The following GAK variants were observed in gnomAD, a reference collection of about 807,000 sequenced individuals.
GAK encodes the protein cyclin-G-associated kinase.
GAK carries 79 observed loss-of-function variants against 143.9 expected under a neutral mutation model. That is an observed-to-expected ratio of 0.55 (90% CI 0.46 to 0.66). The LOEUF is 0.66. Among genes scored for constraint, GAK ranks in the 30% least tolerant of loss-of-function variants. GAK has a pLI of 0.00. For missense variants in GAK, 1,693 were observed against 1,779.7 expected, an observed-to-expected ratio of 0.95 and a Z score of 0.88; for synonymous variants, 881 against 765.5, an observed-to-expected ratio of 1.15 and a Z score of -2.49.
chr4:891,535 A>C (rs1717652644), intron 9 of GAK, among the ~76,000 whole-genome samples: 1 of 152,072 alleles, frequency 6.6e-6, no homozygotes, highest in Admixed American at 6.5e-5. Context: ...CGGTTGGCTT[A>C]AGCAGGGGTC....
intron 21 of GAK, 33 bp from the exon 22 acceptor site, chr4:866,567 G>C: frequency 1.2e-6 from 2 of 1,602,486 alleles, no homozygotes; most frequent in South Asian, 1.1e-5. Context: ...GGAGGACTCA[G>C]CCCGGCTGCC....
chr4:894,232 G>A (rs927544499), intron 7 of GAK: 4 of 503,744 alleles, frequency 7.9e-6, no homozygotes, highest in Middle Eastern at 5.4e-4. Flanking sequence ...GGGAACAACA[G>A]GGGTGACACC....
chr4:914,721 G>A (rs115725542), intron 1 of GAK, among the ~76,000 whole-genome samples: 2,482 of 28,990 alleles, frequency 0.086, 82 homozygotes, highest in East Asian at 0.27. Flanking sequence ...ACGGCCCCCC[G>A]CACTCAGCCC....
chr4:868,529 C>T lies in GAK; in HGVS notation c.2395+10G>A, dbSNP rs764298061. On this transcript the variant is annotated intron_variant, in intron 20 of 27. Transcript: ENST00000314167. ...CTCTGCAAGTGGCCAGGTCCAGGGA[C>T]GCTGCCTACCCTGCCAGTCCAGCGT... The T allele has an allele frequency of 1.0e-5, 16 of 1,599,582 alleles. No homozygotes were observed. Among genetic ancestry groups the T allele is most frequent in the Middle Eastern group, 1.8e-4 (1 of 5,624 alleles).
At chr4:916,468 G>A (rs576472971) in intron 1 of GAK, among the ~76,000 whole-genome samples, 105 of 152,218 alleles carry the variant, frequency 6.9e-4, no homozygotes, top group African/African-American at 2.1e-3. Context: ...TTGCCCAGGC[G>A]GGTCTAGCCT....
chr4:866,819 C>A, intron 21 of GAK, 137 bp downstream of exon 21: 4 of 727,572 alleles, frequency 5.5e-6, no homozygotes, highest in Non-Finnish European at 9.1e-6. Flanking sequence ...GACCCCGAGG[C>A]TGCTCCTGGG....
At chr4:872,745 A>C (rs1185901290) in intron 18 of GAK, 1 of 152,432 alleles carries the variant, frequency 6.6e-6, no homozygotes, top group African/African-American at 2.4e-5. Context: ...CGGCTCACCC[A>C]GCCTGGCGCT....
chr4:859,467 G>T (rs752885488), intron 24 of GAK, 139 bp downstream of exon 24: 26 of 1,600,532 alleles, frequency 1.6e-5, no homozygotes, highest in Non-Finnish European at 2.1e-5. Context: ...TGTCCCCTTG[G>T]GCTCACTGTG....
chr4:858,641 T>G (rs896929368), intron 24 of GAK, among the ~76,000 whole-genome samples: 4 of 152,010 alleles, frequency 2.6e-5, no homozygotes, highest in African/African-American at 9.7e-5. Flanking sequence ...AAAAGAACAT[T>G]CAAAGACGAA....
chr4:873,421 C>A (rs1345522766), intron 18 of GAK, among the ~76,000 whole-genome samples: 6 of 152,108 alleles, frequency 3.9e-5, no homozygotes, highest in South Asian at 2.1e-4. Context: ...TTAATAAACG[C>A]CCACTTGAAC....
At chr4:893,344 G>T in intron 9 of GAK, 33 bp downstream of exon 9, 2 of 1,435,468 alleles carry the variant, frequency 1.4e-6, no homozygotes, top group Non-Finnish European at 9.4e-7. Flanking sequence ...TCACCACTGC[G>T]GGGGATTTGG....
At chr4:895,202 TGCAGGAA>T (rs912225995) in intron 7 of GAK, among the ~76,000 whole-genome samples, 1 of 152,188 alleles carries the variant, frequency 6.6e-6, no homozygotes, top group African/African-American at 2.4e-5. Flanking sequence ...GGGCAGAAGC[TGCAGGAA>T]GCAGCCTCCT....
In GAK at chr4:893,413, G is replaced by A. The variant is rs980677028; in HGVS notation, c.954C>T (p.Ala318=). ...EVVHQLQEIA[A]ARNVNPKSPI... is the part of the protein sequence containing the mutation. The stretch of plus-strand genomic sequence containing the variant: ...GAGACTTGGGGTTCACGTTGCGGGC[G>A]GCCGCGATCTCCTGCAGCTGGTGCA... The change falls in exon 9 of 28, where the codon GCC becomes GCT. Residue 318 remains alanine, a synonymous_variant. Transcript: ENST00000314167. The A allele has an allele frequency of 5.0e-6, 8 of 1,589,006 alleles. No individual in the cohort carries two copies. Among genetic ancestry groups the A allele is most frequent in the South Asian group, 3.4e-5 (3 of 88,340 alleles).
intron 22 of GAK, among the ~76,000 whole-genome samples, chr4:865,507 T>A (rs543598103): frequency 1.3e-5 from 2 of 151,952 alleles, no homozygotes; most frequent in Admixed American, 1.3e-4. Flanking sequence ...CGCATTCCCA[T>A]CCAAAAGGGT....
At chr4:862,475 A>G (rs1482438418) in intron 23 of GAK, among the ~76,000 whole-genome samples, 2 of 152,144 alleles carry the variant, frequency 1.3e-5, no homozygotes, top group African/African-American at 4.8e-5. Context: ...CCTGGCTAAC[A>G]CAGTGAAACC....
intron 15 of GAK, among the ~76,000 whole-genome samples, chr4:879,823 C>T (rs1249303871): frequency 6.6e-6 from 1 of 152,190 alleles, no homozygotes; most frequent in Non-Finnish European, 1.5e-5. Flanking sequence ...GGAGGCAGCT[C>T]TTGGGTGCTT....
Position 877,003 on chromosome 4 carries a change from G to A in GAK, c.1974+87C>T, listed in dbSNP as rs575268818. Reference sequence around the variant, plus strand: ...CAAACAGCGAGCACCCTGGACCCTCGGTGAGAAGTGAGCGCACTGTGGCCC... The same window carrying A: ...CAAACAGCGAGCACCCTGGACCCTCAGTGAGAAGTGAGCGCACTGTGGCCC... On this transcript the variant is annotated intron_variant, in intron 17 of 27. Coordinates refer to ENST00000314167, the MANE Select transcript of GAK (RefSeq NM_005255.4). 2.8e-4 allele frequency: 253 copies of A among 903,648 alleles called. 3 individuals carry two copies. The South Asian group carries it at 3.1e-3, about 11-fold the overall frequency. The allele number at this position is 903,648 out of a possible 1,614,324, so 56.0% of individuals were successfully genotyped here.
At chr4:889,552 C>T (rs1378787478) in intron 10 of GAK, among the ~76,000 whole-genome samples, 2 of 152,318 alleles carry the variant, frequency 1.3e-5, no homozygotes, top group African/African-American at 2.4e-5. Flanking sequence ...GAGGACTCAC[C>T]CTTCCTCCAG....
chr4:916,799 G>A (rs962165941), intron 1 of GAK, among the ~76,000 whole-genome samples: 1 of 152,178 alleles, frequency 6.6e-6, no homozygotes, highest in Non-Finnish European at 1.5e-5. Context: ...TTCTTAAAAA[G>A]GTGAACATAA....
Sources: allele counts gnomAD v4.1 joint callset (sites outside exome capture counted in the v4.1 genomes callset), GRCh38; gene constraint gnomAD v4.1.1; transcripts MANE v1.5; gene names NCBI Gene and HGNC (gene_info 2026-07-23, HGNC 2026-07-21).